Variants in GNS observed in about 807,000 individuals in gnomAD.
GNS encodes the protein glucosamine (N-acetyl)-6-sulfatase.
A neutral mutation model predicts 69.7 loss-of-function variants in GNS; 40 were observed. The observed-to-expected ratio is 0.57, with a 90% CI of 0.45 to 0.75. GNS has a LOEUF of 0.75. Among genes scored for constraint, GNS ranks in the 30% least tolerant of loss-of-function variants. The probability of loss-of-function intolerance (pLI) is 0.00; values close to 1 mark genes in which losing one functional copy is unlikely to be tolerated. For synonymous variants in GNS, 243 were observed against 251.6 expected, an observed-to-expected ratio of 0.97 and a Z score of 0.32; for missense variants, 565 against 685.5, an observed-to-expected ratio of 0.82 and a Z score of 1.96.
chr12:64,718,788 G>A (rs960669577), intron 13 of GNS, among the ~76,000 whole-genome samples: 17 of 152,336 alleles, frequency 1.1e-4, no homozygotes, highest in Admixed American at 1.0e-3. Flanking sequence ...AACTGCTATC[G>A]ACATCTAACT....
At chr12:64,728,050 A>C (rs1869263913) in intron 10 of GNS, among the ~76,000 whole-genome samples, 1 of 152,102 alleles carries the variant, frequency 6.6e-6, no homozygotes, top group East Asian at 1.9e-4. Flanking sequence ...CAGCCTCCCG[A>C]GTAGCTGGGA....
chr12:64,752,975 A>G, intron 1 of GNS: 2 of 583,380 alleles, frequency 3.4e-6, no homozygotes, highest in Non-Finnish European at 6.1e-6. Flanking sequence ...TGCTTGCAGG[A>G]AGGGAAAGTT....
intron 9 of GNS, among the ~76,000 whole-genome samples, chr12:64,734,522 G>A (rs1291566065): frequency 6.6e-6 from 1 of 152,300 alleles, no homozygotes; most frequent in South Asian, 2.1e-4. Context: ...CATTCCAGAA[G>A]GAAGGAGTAG....
At position 64,759,162 on chromosome 12, in the gene GNS, C is replaced by G. The variant is rs766442530; in HGVS notation, c.115G>C (p.Gly39Arg). The change falls in exon 1 of 14, where the codon GGG becomes CGG. Residue 39 changes from glycine (G) to arginine (R), a missense_variant. By Grantham distance (125) the Gly-to-Arg change is moderately radical. Transcript: ENST00000258145. ...GGCCTCCGGGTTCCCGCAGCCACCC[C>G]GAAGACCCCCAGGCAGCCGCCCAGC... ...LVLGGCLGVFGVAAGTRRPNV... is the reference protein window; with the variant it reads ...LVLGGCLGVFRVAAGTRRPNV... 5 of 1,554,674 alleles carry G rather than the reference C, an allele frequency of 3.2e-6. No homozygotes were observed. The highest frequency in any genetic ancestry group is 1.2e-5 in the South Asian group (1 of 84,404).
intron 1 of GNS, among the ~76,000 whole-genome samples, chr12:64,754,136 C>T (rs1870168992): frequency 6.6e-6 from 1 of 152,222 alleles, no homozygotes; most frequent in Non-Finnish European, 1.5e-5. Context: ...TTAAACACAA[C>T]ACGTGCCAGG....
chr12:64,741,982 ATTTAT>A lies in GNS; in HGVS notation c.792+1154_792+1158del, dbSNP rs528411032. On this transcript the variant is annotated intron_variant, in intron 6 of 13. Coordinates refer to ENST00000258145, the MANE Select transcript of GNS (RefSeq NM_002076.4). ...AATCGTCCTATTTTACTATTTTTTA[ATTTAT>A]TTTATTTTATTTTATCTTATCTTGT... 3.7e-3 allele frequency among the ~76,000 whole-genome samples: 565 copies of A among 152,096 alleles called. 1 individual carries two copies. Among genetic ancestry groups the A allele is most frequent in the African/African-American group, 0.011 (455 of 41,502 alleles).
intron 6 of GNS, among the ~76,000 whole-genome samples, chr12:64,741,000 G>A (rs965658003): frequency 6.6e-6 from 1 of 152,090 alleles, no homozygotes; most frequent in African/African-American, 2.4e-5. Context: ...TAGCTAAAGC[G>A]AGATTACATT....
At chr12:64,739,358 C>G in intron 8 of GNS, 23 bp downstream of exon 8, 4 of 1,056,560 alleles carry the variant, frequency 3.8e-6, no homozygotes, top group East Asian at 2.4e-5. Flanking sequence ...AAGATCACAG[C>G]AGTACCTACT....
chr12:64,746,746 A>T (rs1869909346), intron 3 of GNS, among the ~76,000 whole-genome samples: 1 of 152,230 alleles, frequency 6.6e-6, no homozygotes, highest in Non-Finnish European at 1.5e-5. Context: ...ACCTTCAAAT[A>T]TGCAAAGTAG....
Position 64,722,553 on chromosome 12 carries a change from A to AT in GNS, c.1308+452dup, listed in dbSNP as rs1249802012. 9.8e-5 allele frequency among the ~76,000 whole-genome samples: 15 copies of AT among 152,292 alleles called. No individual in the cohort carries two copies. In the East Asian group the frequency reaches 2.9e-3, roughly 29 times the overall value. On this transcript the variant is annotated intron_variant, in intron 11 of 13. Transcript: ENST00000258145. The stretch of plus-strand genomic sequence containing the variant: ...ATCAATCAACTCCAAGTGGAAGCCT[A>AT]TTTTCCCTTCTCCAAAGTGAGGCCA...
At position 64,716,558 on chromosome 12, in the gene GNS, GTTCACAGT is replaced by G; in HGVS notation, c.*175_*182del. On this transcript the variant is annotated 3_prime_UTR_variant, in exon 14 of 14. Coordinates refer to ENST00000258145, the MANE Select transcript of GNS (RefSeq NM_002076.4). ...CAGCCACTCCTGACACATGGGCAGA[GTTCACAGT>G]TTAACACATTGCACGAGGAAGTCAG... The G allele has an allele frequency of 1.5e-6, 1 of 659,334 alleles. No individual in the cohort carries two copies. The highest frequency in any genetic ancestry group is 2.8e-6 in the Non-Finnish European group (1 of 359,110). The allele number at this position is 659,334 out of a possible 1,614,324, so 40.8% of individuals were successfully genotyped here. A position where few individuals can be genotyped will look rare whatever the true frequency, so the allele number is the denominator to read the frequency against.
intron 5 of GNS, 102 bp from the exon 6 acceptor site, chr12:64,743,410 T>C: frequency 1.2e-6 from 1 of 808,292 alleles, no homozygotes; most frequent in Non-Finnish European, 2.1e-6. Flanking sequence ...TCTTACTAGC[T>C]TTTAAGCAAT....
intron 9 of GNS, among the ~76,000 whole-genome samples, chr12:64,736,278 G>C (rs1464375323): frequency 2.6e-5 from 4 of 152,214 alleles, no homozygotes; most frequent in Non-Finnish European, 5.9e-5. Context: ...AAATGGGAAA[G>C]ACAACAGAAC....
chr12:64,747,699 T>G lies in GNS; in HGVS notation c.459+13A>C, dbSNP rs1304027552. 1.2e-5 allele frequency: 17 copies of G among 1,360,298 alleles called. No homozygotes were observed. Among genetic ancestry groups the G allele is most frequent in the Non-Finnish European group, 1.8e-5 (17 of 948,248 alleles). The allele number at this position is 1,360,298 out of a possible 1,614,324, so 84.3% of individuals were successfully genotyped here. A position where few individuals can be genotyped will look rare whatever the true frequency, so the allele number is the denominator to read the frequency against. ...AAGCCATTATAAAAAAAGAAACAGATCATTCAACATACCTCATTTAAATAT... is the reference window on the plus strand; with the variant it reads ...AAGCCATTATAAAAAAAGAAACAGAGCATTCAACATACCTCATTTAAATAT... On this transcript the variant is annotated intron_variant, in intron 3 of 13. Coordinates refer to ENST00000258145, the MANE Select transcript of GNS (RefSeq NM_002076.4).
At chr12:64,741,870 T>G (rs1023352733) in intron 6 of GNS, among the ~76,000 whole-genome samples, 69 of 152,248 alleles carry the variant, frequency 4.5e-4, no homozygotes, top group African/African-American at 1.7e-3. Flanking sequence ...AGAAGTCCTG[T>G]AGCAGAGTGA....
At chr12:64,730,512 G>A (rs115130576) in intron 9 of GNS, among the ~76,000 whole-genome samples, 2,250 of 150,954 alleles carry the variant, frequency 0.015, 23 homozygotes, top group African/African-American at 0.02. Context: ...AGCTCTTAGA[G>A]GGCAGAATGA....
chr12:64,752,160 T>A (rs1032655528), intron 2 of GNS, among the ~76,000 whole-genome samples: 1 of 152,058 alleles, frequency 6.6e-6, no homozygotes, highest in African/African-American at 2.4e-5. Context: ...TGTTCCAGAC[T>A]AGGCAGTCTG....
intron 1 of GNS, among the ~76,000 whole-genome samples, chr12:64,755,444 G>C (rs1463961399): frequency 1.3e-5 from 2 of 151,510 alleles, no homozygotes; most frequent in South Asian, 2.1e-4. Context: ...CGGGCGTGGT[G>C]GTGGGTGCCT....
At chr12:64,727,888 C>T (rs910969137) in intron 10 of GNS, among the ~76,000 whole-genome samples, 2 of 152,098 alleles carry the variant, frequency 1.3e-5, no homozygotes, top group South Asian at 2.1e-4. Flanking sequence ...ACTCTGAATA[C>T]ACCAACAACT....
Sources: gnomAD v4.1 joint callset for allele counts (sites outside exome capture counted in the v4.1 genomes callset) on GRCh38, gnomAD v4.1.1 for gene constraint, MANE v1.5 for transcripts, NCBI Gene and HGNC (gene_info 2026-07-23, HGNC 2026-07-21) for gene names.